CENPP: variants seen among roughly 807,000 people sequenced by gnomAD.
CENPP encodes the protein centromere protein P.
CENPP carries 24 observed loss-of-function variants against 35.6 expected under a neutral mutation model. The ratio of observed to expected loss-of-function variants is 0.67; its 90% CI spans 0.49 to 0.95. The LOEUF is 0.95. Ranked by LOEUF, CENPP falls within the 40% of genes least tolerant of loss-of-function variation. The pLI is 0.00. For missense variants in CENPP, 332 were observed against 345.3 expected (o/e 0.96, Z 0.31); for synonymous variants, 120 against 125.5 (o/e 0.96, Z 0.29).
intron 5 of CENPP, chr9:92,522,716 T>C (rs765740420): frequency 9.3e-6 from 15 of 1,614,072 alleles, no homozygotes; most frequent in Non-Finnish European, 1.3e-5. Context: ...CCAAGCTGTC[T>C]GTTTGATCTG....
chr9:92,548,163 C>T lies in CENPP; in HGVS notation c.565-63151C>T, dbSNP rs1448915855. 2.6e-5 allele frequency among the ~76,000 whole-genome samples: 4 copies of T among 152,180 alleles called. No individual in the cohort carries two copies. In the East Asian group the frequency reaches 7.7e-4, roughly 29 times the overall value. ...TGCTGCATGTGTGTCACTAGGAAGG[C>T]TCATGATCCTCCCTTGCTCCTGTGT... is the stretch of plus-strand genomic sequence containing the variant. On this transcript the variant is annotated intron_variant, in intron 5 of 7. Coordinates refer to ENST00000375587, the MANE Select transcript of CENPP (RefSeq NM_001012267.3).
chr9:92,358,952 CTTTT>C (rs547707825), intron 4 of CENPP, among the ~76,000 whole-genome samples: 1 of 122,380 alleles, frequency 8.2e-6, no homozygotes. Flanking sequence ...TTCTTTCTTT[CTTTT>C]TTTTTTTTTT....
chr9:92,518,630 C>T (rs890042138), intron 5 of CENPP, among the ~76,000 whole-genome samples: 1 of 152,180 alleles, frequency 6.6e-6, no homozygotes, highest in African/African-American at 2.4e-5. Flanking sequence ...GGCACGGTGG[C>T]TCATGCCTGT....
rs544628384 is a variant in CENPP at position 92,591,350 on chromosome 9, C to T, written c.565-19964C>T. On this transcript the variant is annotated intron_variant, in intron 5 of 7. Transcript: ENST00000375587. Reference sequence around the variant, plus strand: ...AGGAGAATGGCATGAACCCGGGAGGCGGAACTTGCAGTGAGCCGAGATTGC... The same window carrying T: ...AGGAGAATGGCATGAACCCGGGAGGTGGAACTTGCAGTGAGCCGAGATTGC... Among the ~76,000 whole-genome samples, 10 of 151,834 alleles carry T rather than the reference C, an allele frequency of 6.6e-5. No homozygotes were observed. The South Asian group carries it at 1.2e-3, about 19-fold the overall frequency.
At chr9:92,523,940 A>G (rs571991032) in intron 5 of CENPP, among the ~76,000 whole-genome samples, 14 of 152,338 alleles carry the variant, frequency 9.2e-5, no homozygotes, top group African/African-American at 3.1e-4. Context: ...CAGGCACTCC[A>G]TAAGCCTTTT....
chr9:92,396,860 A>G (rs778867367), intron 5 of CENPP, among the ~76,000 whole-genome samples: 7 of 152,010 alleles, frequency 4.6e-5, no homozygotes, highest in Non-Finnish European at 8.8e-5. Context: ...TTTCTTTTAT[A>G]TATTTTGATG....
chr9:92,332,211 G>A lies in CENPP; in HGVS notation c.149G>A (p.Trp50Ter), dbSNP rs754038451. 1.2e-6 allele frequency: 2 copies of A among 1,610,276 alleles called. No individual in the cohort carries two copies. Among genetic ancestry groups the A allele is most frequent in the Admixed American group, 1.7e-5 (1 of 59,362 alleles). Residue 50 changes from tryptophan (W) to a stop codon, truncating the protein, a stop_gained, in exon 2 of 8, where the codon TGG becomes TAG. Coordinates refer to ENST00000375587, the MANE Select transcript of CENPP (RefSeq NM_001012267.3). LOFTEE classifies it high-confidence loss of function. Reference protein sequence around the residue: ...QAIHQFNLEGWKSSKDLKNQL... With the variant: ...QAIHQFNLEG The stretch of plus-strand genomic sequence containing the variant: ...ATACACCAATTCAATTTGGAAGGAT[G>A]GAAGTCTTCAAAAGATCTGAAAAAT...
Position 92,332,875 on chromosome 9 carries a change from CT to C in CENPP, c.289+536del, listed in dbSNP as rs1399857353. On this transcript the variant is annotated intron_variant, in intron 2 of 7. Transcript: ENST00000375587. ...CAGACACAGTTTCTTTTCTTTCTTT[CT>C]TTTTTTTTTTTACCTTCTCCTTCCT... 9.6e-3 allele frequency among the ~76,000 whole-genome samples: 1,375 copies of C among 142,598 alleles called. 5 individuals carry two copies. The highest frequency in any genetic ancestry group is 0.015 in the Non-Finnish European group (966 of 65,114). The allele number at this position is 142,598 out of a possible 152,430, so 93.5% of individuals were successfully genotyped here.
intron 4 of CENPP, among the ~76,000 whole-genome samples, chr9:92,376,490 A>G (rs1402644349): frequency 6.6e-6 from 1 of 152,130 alleles, no homozygotes; most frequent in East Asian, 1.9e-4. Context: ...GAAGGAGAGG[A>G]GCTGTCTGCA....
intron 5 of CENPP, among the ~76,000 whole-genome samples, chr9:92,547,981 G>A (rs925588359): frequency 6.6e-6 from 1 of 151,874 alleles, no homozygotes. Context: ...AGTAAAGGAA[G>A]GAAAAACTGT....
At chr9:92,555,167 G>A (rs941308857) in intron 5 of CENPP, among the ~76,000 whole-genome samples, 8 of 147,882 alleles carry the variant, frequency 5.4e-5, no homozygotes, top group Non-Finnish European at 1.0e-4. Context: ...TGAATGTCTG[G>A]TAGAATTCTG....
intron 5 of CENPP, among the ~76,000 whole-genome samples, chr9:92,458,871 A>G (rs1408325414): frequency 6.6e-6 from 1 of 152,224 alleles, no homozygotes; most frequent in African/African-American, 2.4e-5. Flanking sequence ...GATGGTTTGT[A>G]TCTCAAAGGA....
chr9:92,358,643 C>G (rs1410695631), intron 4 of CENPP, among the ~76,000 whole-genome samples: 1 of 152,112 alleles, frequency 6.6e-6, no homozygotes. Flanking sequence ...GGTGATTTTT[C>G]TTTCTGCCTA....
chr9:92,408,430 C>G (rs962144905), intron 5 of CENPP, among the ~76,000 whole-genome samples: 1 of 152,096 alleles, frequency 6.6e-6, no homozygotes, highest in Admixed American at 6.6e-5. Context: ...GTGATTTGCC[C>G]GCCTCGGCCT....
chr9:92,401,863 G>C (rs1212503224), intron 5 of CENPP, among the ~76,000 whole-genome samples: 1 of 152,124 alleles, frequency 6.6e-6, no homozygotes, highest in Non-Finnish European at 1.5e-5. Flanking sequence ...ATTATGTGGT[G>C]TCCTATTCTT....
At chr9:92,429,609 A>G (rs1297892878) in intron 5 of CENPP, among the ~76,000 whole-genome samples, 1 of 152,142 alleles carries the variant, frequency 6.6e-6, no homozygotes, top group African/African-American at 2.4e-5. Flanking sequence ...CAACATGATG[A>G]AACCTTGTCT....
chr9:92,618,123 C>A lies in CENPP; in HGVS notation c.*4974C>A. ...ACTTCACAGGTGCGGCCACTGCGCA[C>A]ACCTTCCTGGAAGCAGGCCCAGCCC... On this transcript the variant is annotated 3_prime_UTR_variant, in exon 8 of 8. Transcript: ENST00000375587. 1 of 416,594 alleles carries A rather than the reference C, an allele frequency of 2.4e-6. No homozygotes were observed. Among genetic ancestry groups the A allele is most frequent in the Non-Finnish European group, 4.8e-6 (1 of 206,806 alleles). 25.8% of individuals were successfully genotyped at this position (416,594 alleles called of 1,614,324 possible).
intron 1 of CENPP, among the ~76,000 whole-genome samples, chr9:92,330,667 AG>A (rs1200038858): frequency 1.3e-5 from 2 of 149,122 alleles, no homozygotes; most frequent in Non-Finnish European, 3.0e-5. Flanking sequence ...AAAAAGTTTA[AG>A]TTTTTTTTTT....
chr9:92,559,041 C>T (rs564063993), intron 5 of CENPP, among the ~76,000 whole-genome samples: 2 of 152,116 alleles, frequency 1.3e-5, no homozygotes, highest in Non-Finnish European at 2.9e-5. Flanking sequence ...AAAACTTACC[C>T]GAGGCTGTCC....
Sources: gnomAD v4.1 joint callset for allele counts (sites outside exome capture counted in the v4.1 genomes callset) on GRCh38, gnomAD v4.1.1 for gene constraint, MANE v1.5 for transcripts, NCBI Gene and HGNC (gene_info 2026-07-23, HGNC 2026-07-21) for gene names.